PTPRD: variants seen among roughly 807,000 people sequenced by gnomAD.
The protein encoded by PTPRD is protein tyrosine phosphatase receptor type D, also known as receptor-type tyrosine-protein phosphatase delta.
Under a neutral mutation model 214.5 loss-of-function variants are expected in PTPRD, and 34 were observed. The ratio of observed to expected loss-of-function variants is 0.16; its 90% CI spans 0.12 to 0.21. PTPRD has a LOEUF of 0.21. PTPRD is among the 10% of genes least tolerant of loss of function. The pLI, the probability that PTPRD is intolerant of heterozygous loss-of-function variation, is 1.00. For synonymous variants in PTPRD, 1,128 were observed against 845.7 expected (o/e 1.33, Z -5.79); for missense variants, 2,545 against 2,398.7 (o/e 1.06, Z -1.27).
At chr9:9,304,866 C>T (rs979124145) in intron 9 of PTPRD, among the ~76,000 whole-genome samples, 1 of 149,980 alleles carries the variant, frequency 6.7e-6, no homozygotes, top group African/African-American at 2.5e-5. Context: ...CATCCAAGGC[C>T]CTTCTCAATA....
intron 5 of PTPRD, among the ~76,000 whole-genome samples, chr9:9,779,078 CAAAAAAAAAAA>C (rs869120926): frequency 1.2e-3 from 53 of 45,496 alleles, no homozygotes; most frequent in African/African-American, 4.2e-3. Flanking sequence ...ATAAGACTGA[CAAAAAAAAAAA>C]AAAAAAAAAA....
intron 7 of PTPRD, among the ~76,000 whole-genome samples, chr9:9,675,534 G>C (rs966687661): frequency 4.0e-5 from 6 of 151,680 alleles, no homozygotes; most frequent in Non-Finnish European, 7.4e-5. Context: ...CAAATACTTA[G>C]TACTGCATTT....
intron 2 of PTPRD, among the ~76,000 whole-genome samples, chr9:10,560,025 G>C (rs957364424): frequency 1.3e-5 from 2 of 152,092 alleles, no homozygotes; most frequent in African/African-American, 4.8e-5. Flanking sequence ...TCTAGAACTA[G>C]AAATACCATT....
chr9:8,454,632 C>G (rs755021140), intron 33 of PTPRD: 2 of 1,608,986 alleles, frequency 1.2e-6, no homozygotes, highest in Non-Finnish European at 1.7e-6. Context: ...AAAAGAAAGG[C>G]TAAATGTTAG....
chr9:10,008,207 G>A (rs1453267911), intron 4 of PTPRD, among the ~76,000 whole-genome samples: 1 of 151,888 alleles, frequency 6.6e-6, no homozygotes, highest in Admixed American at 6.6e-5. Flanking sequence ...GATGGGATGG[G>A]AGGTCACACA....
At chr9:9,530,416 C>A (rs975673832) in intron 8 of PTPRD, among the ~76,000 whole-genome samples, 2 of 152,110 alleles carry the variant, frequency 1.3e-5, no homozygotes, top group Admixed American at 6.5e-5. Flanking sequence ...TGGACACATA[C>A]AACCTACCAA....
Position 10,320,620 on chromosome 9 carries a change from A to G in PTPRD, c.-545+20343T>C, listed in dbSNP as rs139759258. ...TGCAATATGAGAGGTCTCATATTTT[A>G]ATGACATCATTAAAATTCAACTAAT... On this transcript the variant is annotated intron_variant, in intron 3 of 45. Transcript: ENST00000381196. 3.2e-4 allele frequency among the ~76,000 whole-genome samples: 49 copies of G among 152,184 alleles called. No individual in the cohort carries two copies. The East Asian group carries it at 5.1e-3, about 16-fold the overall frequency.
chr9:8,490,771 C>G (rs767020695), intron 27 of PTPRD, among the ~76,000 whole-genome samples: 1 of 152,168 alleles, frequency 6.6e-6, no homozygotes, highest in African/African-American at 2.4e-5. Context: ...ATGATCAGTA[C>G]TCGTTTCCAA....
rs1008656953 is a variant in PTPRD at position 8,478,844 on chromosome 9, C to T, written c.3413+5275G>A. On this transcript the variant is annotated intron_variant, in intron 30 of 45. Coordinates refer to ENST00000381196, the MANE Select transcript of PTPRD (RefSeq NM_002839.4). ...AATTAGAAATCATTAGACACTTTTT[C>T]GGTGTTGAGGAGTTAAGGAGTAGGG... Among the ~76,000 whole-genome samples the T allele has an allele frequency of 3.3e-5, 5 of 152,214 alleles. No individual in the cohort carries two copies. In the South Asian group the frequency reaches 6.2e-4, roughly 19 times the overall value.
intron 10 of PTPRD, among the ~76,000 whole-genome samples, chr9:9,025,571 A>G (rs373525810): frequency 1.9e-4 from 29 of 152,060 alleles, no homozygotes; most frequent in African/African-American, 6.0e-4. Context: ...AGTATGCCAC[A>G]CCAACAATGA....
At chr9:9,480,258 G>A (rs1272139908) in intron 8 of PTPRD, among the ~76,000 whole-genome samples, 1 of 152,108 alleles carries the variant, frequency 6.6e-6, no homozygotes, top group East Asian at 1.9e-4. Flanking sequence ...TAAATCATAT[G>A]CTGACATTAA....
At chr9:9,394,927 T>G (rs1226561101) in intron 9 of PTPRD, among the ~76,000 whole-genome samples, 1 of 152,230 alleles carries the variant, frequency 6.6e-6, no homozygotes, top group Non-Finnish European at 1.5e-5. Context: ...ATAGTCAGCT[T>G]TGGAATGCAG....
intron 9 of PTPRD, among the ~76,000 whole-genome samples, chr9:9,210,605 T>C (rs932732490): frequency 1.3e-5 from 2 of 152,144 alleles, no homozygotes; most frequent in African/African-American, 4.8e-5. Flanking sequence ...TTGAGAACAC[T>C]TGCAAATGTT....
chr9:8,353,908 G>GTATATA (rs2076267123), intron 39 of PTPRD, among the ~76,000 whole-genome samples: 3 of 121,602 alleles, frequency 2.5e-5, no homozygotes, highest in African/African-American at 8.1e-5. Flanking sequence ...ATGTATATAT[G>GTATATA]TGTATATATG....
At chr9:10,385,200 T>G (rs1323483) in intron 2 of PTPRD, among the ~76,000 whole-genome samples, 1 of 151,664 alleles carries the variant, frequency 6.6e-6, no homozygotes, top group African/African-American at 2.4e-5. Context: ...ATTCCCTTTT[T>G]AATTTTTAAA....
intron 8 of PTPRD, among the ~76,000 whole-genome samples, chr9:9,556,466 C>A (rs1309574866): frequency 6.6e-6 from 1 of 152,138 alleles, no homozygotes; most frequent in African/African-American, 2.4e-5. Flanking sequence ...GGGTTCAACT[C>A]TATTTATTAT....
chr9:10,115,071 C>T (rs1051425819), intron 3 of PTPRD, among the ~76,000 whole-genome samples: 1 of 151,496 alleles, frequency 6.6e-6, no homozygotes, highest in African/African-American at 2.4e-5. Context: ...AAAGTGCTAT[C>T]TCTCACAGCC....
chr9:8,968,584 C>T, intron 11 of PTPRD, among the ~76,000 whole-genome samples: 1 of 152,034 alleles, frequency 6.6e-6, no homozygotes, highest in Admixed American at 6.6e-5. Flanking sequence ...CAGTTCTTAC[C>T]ATAATCTTAT....
intron 11 of PTPRD, among the ~76,000 whole-genome samples, chr9:8,784,743 T>C (rs998289540): frequency 1.3e-5 from 2 of 152,186 alleles, no homozygotes; most frequent in Admixed American, 1.3e-4. Context: ...TCCACATTAG[T>C]TAACATCCCC....
Sources: gnomAD v4.1 joint callset for allele counts (sites outside exome capture counted in the v4.1 genomes callset) on GRCh38, gnomAD v4.1.1 for gene constraint, MANE v1.5 for transcripts, NCBI Gene and HGNC (gene_info 2026-07-23, HGNC 2026-07-21) for gene names.